PKD1L1: variants seen among roughly 807,000 people sequenced by gnomAD.
PKD1L1 encodes polycystin 1 like 1, transient receptor potential channel interacting.
Under a neutral mutation model 323.4 loss-of-function variants are expected in PKD1L1, and 236 were observed. That is an observed-to-expected ratio of 0.73 (90% CI 0.66 to 0.81). PKD1L1 has a LOEUF of 0.81. Ranked by LOEUF, PKD1L1 falls within the 40% of genes least tolerant of loss-of-function variation. The pLI is 0.00. For missense variants in PKD1L1, 3,320 were observed against 3,508.0 expected, an observed-to-expected ratio of 0.95 and a Z score of 1.35; for synonymous variants, 1,344 against 1,335.0, an observed-to-expected ratio of 1.01 and a Z score of -0.15.
intron 21 of PKD1L1, 51 bp downstream of exon 21, chr7:47,880,677 C>T (rs770286136): frequency 1.8e-5 from 25 of 1,421,354 alleles, no homozygotes; most frequent in South Asian, 9.9e-5. Context: ...CTCACAGAGA[C>T]GCAGCAGGAC....
At chr7:47,784,704 C>T (rs1786769496) in intron 56 of PKD1L1, among the ~76,000 whole-genome samples, 3 of 152,230 alleles carry the variant, frequency 2.0e-5, no homozygotes, top group South Asian at 4.2e-4. Context: ...AACTCCTTAC[C>T]TCAGGTGATC....
In PKD1L1 at chr7:47,830,025, G is replaced by C. The variant is rs1446011169; in HGVS notation, c.6558+15C>G. Reference sequence around the variant, plus strand: ...GCTGATGGAAGGCACTTCTACCATGGAGGGTGTTTCTTACCATAAGTGGCT... The same window carrying C: ...GCTGATGGAAGGCACTTCTACCATGCAGGGTGTTTCTTACCATAAGTGGCT... On this transcript the variant is annotated intron_variant, in intron 43 of 56. Transcript: ENST00000289672. 3.1e-6 allele frequency: 5 copies of C among 1,612,402 alleles called. No homozygotes were observed. Among genetic ancestry groups the C allele is most frequent in the Non-Finnish European group, 4.2e-6 (5 of 1,178,520 alleles).
intron 52 of PKD1L1, 104 bp downstream of exon 52, chr7:47,808,143 C>G: frequency 1.4e-6 from 2 of 1,412,824 alleles, no homozygotes. Flanking sequence ...CGATATCAAA[C>G]AAATCTGTTG....
At chr7:47,820,981 T>C in intron 46 of PKD1L1, 95 bp downstream of exon 46, 1 of 709,054 alleles carries the variant, frequency 1.4e-6, no homozygotes, top group Non-Finnish European at 2.4e-6. Flanking sequence ...CTTTCCAGTA[T>C]TTCATATGTG....
chr7:47,798,368 TA>T (rs1176907213), intron 54 of PKD1L1, among the ~76,000 whole-genome samples: 1 of 152,226 alleles, frequency 6.6e-6, no homozygotes, highest in East Asian at 1.9e-4. Flanking sequence ...TATTCATTTA[TA>T]AAAAACAGGA....
At chr7:47,929,972 A>G (rs1787733735) in intron 6 of PKD1L1, among the ~76,000 whole-genome samples, 1 of 152,134 alleles carries the variant, frequency 6.6e-6, no homozygotes, top group South Asian at 2.1e-4. Context: ...CCCTTTCTAC[A>G]TTTCTCCCTA....
At chr7:47,948,551 C>A, upstream of PKD1L1, 1 of 1,050,126 alleles carries the variant, frequency 9.5e-7, no homozygotes, top group Non-Finnish European at 1.4e-6. Flanking sequence ...TACTTGTGAC[C>A]TCTTATCAGG....
Position 47,782,441 on chromosome 7 carries a change from G to A in PKD1L1, c.8527-7275C>T, listed in dbSNP as rs561723489. The stretch of plus-strand genomic sequence containing the variant: ...CAACTGCAGCAGAAAACTTTCCTAA[G>A]GTCTCTACTTTTTCAAGGACAAGGG... On this transcript the variant is annotated intron_variant, in intron 56 of 56. Coordinates refer to ENST00000289672, the MANE Select transcript of PKD1L1 (RefSeq NM_138295.5). Among the ~76,000 whole-genome samples, 7 of 152,214 alleles carry A rather than the reference G, an allele frequency of 4.6e-5. No individual in the cohort carries two copies. The East Asian group carries it at 1.4e-3, about 29-fold the overall frequency.
chr7:47,888,257 T>A, intron 16 of PKD1L1, 107 bp from the exon 17 acceptor site: 1 of 1,171,114 alleles, frequency 8.5e-7, no homozygotes, highest in South Asian at 1.5e-5. Context: ...TGGATCTTTA[T>A]TAAGGGACTT....
intron 26 of PKD1L1, among the ~76,000 whole-genome samples, chr7:47,862,525 C>T (rs1413372988): frequency 2.0e-5 from 3 of 152,138 alleles, no homozygotes; most frequent in Non-Finnish European, 2.9e-5. Flanking sequence ...ATCATGGAGT[C>T]GACATTCCAG....
At position 47,808,372 on chromosome 7, in the gene PKD1L1, C is replaced by A; in HGVS notation, c.7702G>T (p.Val2568Leu). 1 of 1,614,156 alleles carries A rather than the reference C, an allele frequency of 6.2e-7. No individual in the cohort carries two copies. The highest frequency in any genetic ancestry group is 8.5e-7 in the Non-Finnish European group (1 of 1,180,040). The change falls in exon 52 of 57, where the codon GTG becomes TTG. Residue 2568 changes from valine (V) to leucine (L), a missense_variant. Val to Leu is a conservative substitution (Grantham distance 32). Transcript: ENST00000289672. Reference sequence around the variant, plus strand: ...GAAACTGCATAGTAGGTGAGGCTCACTCCAACCACGGAGAGCTGGAACATC... The same window carrying A: ...GAAACTGCATAGTAGGTGAGGCTCAATCCAACCACGGAGAGCTGGAACATC... ...RNWLELSVVG[V>L]SLTYYAVSGH... is the part of the protein sequence containing the mutation.
At chr7:47,786,253 C>T (rs1389877055) in intron 56 of PKD1L1, among the ~76,000 whole-genome samples, 8 of 150,804 alleles carry the variant, frequency 5.3e-5, no homozygotes, top group South Asian at 2.1e-4. Context: ...GCTACGTAAA[C>T]GCATTGGGAA....
chr7:47,860,341 T>A (rs1041374926), intron 26 of PKD1L1, among the ~76,000 whole-genome samples: 1 of 152,236 alleles, frequency 6.6e-6, no homozygotes, highest in Non-Finnish European at 1.5e-5. Flanking sequence ...AATGTATCTG[T>A]TTGCAACTTC....
At position 47,897,475 on chromosome 7, in the gene PKD1L1, C is replaced by CA. The variant is rs575353757; in HGVS notation, c.2271+512dup. Among the ~76,000 whole-genome samples the CA allele has an allele frequency of 3.7e-3, 561 of 152,344 alleles. 5 individuals carry two copies. Among genetic ancestry groups the CA allele is most frequent in the African/African-American group, 0.013 (530 of 41,580 alleles). On this transcript the variant is annotated intron_variant, in intron 14 of 56. Transcript: ENST00000289672. The stretch of plus-strand genomic sequence containing the variant: ...GTCTGTGGACAGATTCTCTTTTCAG[C>CA]ACCCTGTTTCTTGAAGCCTACTCTT...
rs1196023965 is a variant in PKD1L1 at position 47,937,275 on chromosome 7, G to A, written c.286-317C>T. Among the ~76,000 whole-genome samples, 9 of 126,512 alleles carry A rather than the reference G, an allele frequency of 7.1e-5. 1 individual carries two copies. In the East Asian group the frequency reaches 2.2e-3, roughly 31 times the overall value. 83.0% of individuals were successfully genotyped at this position (126,512 alleles called of 152,430 possible). ...GGGTGGGGGTGGGGGGGGGGGGCGCGGTGCTTTTTTATACACAGGGTCAGA... is the reference window on the plus strand; with the variant it reads ...GGGTGGGGGTGGGGGGGGGGGGCGCAGTGCTTTTTTATACACAGGGTCAGA... On this transcript the variant is annotated intron_variant, in intron 3 of 56. Transcript: ENST00000289672.
chr7:47,820,625 G>T (rs1257349558), intron 46 of PKD1L1, among the ~76,000 whole-genome samples: 2 of 152,214 alleles, frequency 1.3e-5, no homozygotes, highest in South Asian at 2.1e-4. Flanking sequence ...TACTTGGGAG[G>T]CTGAGGCAGG....
At chr7:47,810,469 G>A (rs1784870158) in intron 50 of PKD1L1, among the ~76,000 whole-genome samples, 1 of 152,140 alleles carries the variant, frequency 6.6e-6, no homozygotes, top group Non-Finnish European at 1.5e-5. Flanking sequence ...TAAATTTGAT[G>A]CCCAAGGTAA....
At position 47,885,957 on chromosome 7, in the gene PKD1L1, A is replaced by G. The variant is rs757231080; in HGVS notation, c.2934T>C (p.Thr978=). 9 of 1,614,086 alleles carry G rather than the reference A, an allele frequency of 5.6e-6. No individual in the cohort carries two copies. The highest frequency in any genetic ancestry group is 7.6e-6 in the Non-Finnish European group (9 of 1,180,044). The change falls in exon 18 of 57, where the codon ACT becomes ACC. Residue 978 remains threonine, a synonymous_variant. Coordinates refer to ENST00000289672, the MANE Select transcript of PKD1L1 (RefSeq NM_138295.5). ...QLNLLPTEPG[T]ADPDATTTPF... is the part of the protein sequence containing the mutation. ...GTGTGGTCGTTGCATCAGGATCTGC[A>G]GTGCCAGGCTCAGTGGGCAGCAGGT...
intron 15 of PKD1L1, among the ~76,000 whole-genome samples, chr7:47,893,102 C>T (rs561206759): frequency 6.6e-6 from 1 of 151,896 alleles, no homozygotes; most frequent in African/African-American, 2.4e-5. Flanking sequence ...TGGTGGCGCG[C>T]ATCTGTAGTC....
Sources: allele counts gnomAD v4.1 joint callset (sites outside exome capture counted in the v4.1 genomes callset), GRCh38; gene constraint gnomAD v4.1.1; transcripts MANE v1.5; gene names NCBI Gene and HGNC (gene_info 2026-07-23, HGNC 2026-07-21).